Variants in ERCC8 observed in about 807,000 individuals in gnomAD.
ERCC8 encodes the protein DNA excision repair protein ERCC-8.
Under a neutral mutation model 54.9 loss-of-function variants are expected in ERCC8, and 52 were observed. The observed-to-expected ratio is 0.95, with a 90% CI of 0.76 to 1.19. The LOEUF (loss-of-function observed/expected upper bound fraction) is 1.19. Ranked by LOEUF, ERCC8 falls within the 50% of genes most tolerant of loss-of-function variation. ERCC8 has a pLI of 0.00. For synonymous variants in ERCC8, 146 were observed against 157.2 expected (o/e 0.93, Z 0.53); for missense variants, 514 against 466.1 (o/e 1.10, Z -0.95).
chr5:60,927,459 G>A (rs1387876125), intron 2 of ERCC8, among the ~76,000 whole-genome samples: 4 of 152,210 alleles, frequency 2.6e-5, no homozygotes, highest in Non-Finnish European at 5.9e-5. Flanking sequence ...AATCACTGTA[G>A]CAAGAGTCTT....
At chr5:60,885,109 C>A (rs1309528330) in intron 11 of ERCC8, among the ~76,000 whole-genome samples, 1 of 151,782 alleles carries the variant, frequency 6.6e-6, no homozygotes, top group Non-Finnish European at 1.5e-5. Context: ...AACTCTTGGG[C>A]TCAGTGATCC....
At position 60,878,385 on chromosome 5, in the gene ERCC8, T is replaced by A. The variant is rs140286564; in HGVS notation, c.1123-3702A>T. The stretch of plus-strand genomic sequence containing the variant: ...TGGTATCAGGATGATGCTGACCTCA[T>A]CAAATGAGTTAGGGAGGATTCCCTC... On this transcript the variant is annotated intron_variant, in intron 11 of 11. Coordinates refer to ENST00000676185, the MANE Select transcript of ERCC8 (RefSeq NM_000082.4). Among the ~76,000 whole-genome samples, 20 of 152,322 alleles carry A rather than the reference T, an allele frequency of 1.3e-4. No individual in the cohort carries two copies. The East Asian group carries it at 3.9e-3, about 29-fold the overall frequency.
At chr5:60,886,602 T>G (rs972046722) in intron 11 of ERCC8, among the ~76,000 whole-genome samples, 45 of 151,840 alleles carry the variant, frequency 3.0e-4, no homozygotes, top group African/African-American at 1.0e-3. Flanking sequence ...CTTGGGAGGC[T>G]GAGGCAGGAT....
chr5:60,891,138 C>T (rs768903965), intron 9 of ERCC8, 52 bp from the exon 10 acceptor site: 3 of 1,221,666 alleles, frequency 2.5e-6, no homozygotes, highest in Non-Finnish European at 3.6e-6. Flanking sequence ...GAATTTAAAA[C>T]ACAACAAAGC....
chr5:60,916,382 G>C (rs544515914), intron 4 of ERCC8, among the ~76,000 whole-genome samples: 1 of 152,026 alleles, frequency 6.6e-6, no homozygotes, highest in East Asian at 1.9e-4. Flanking sequence ...AGAGTGTGTG[G>C]AAAGTTGAAT....
intron 9 of ERCC8, among the ~76,000 whole-genome samples, chr5:60,894,386 T>C (rs1748663289): frequency 6.6e-6 from 1 of 152,204 alleles, no homozygotes; most frequent in African/African-American, 2.4e-5. Flanking sequence ...AATAGGTATA[T>C]ATTCCTAATA....
In ERCC8 at chr5:60,869,153, AG is replaced by A. The variant is rs1436245712; in HGVS notation, c.*5461del. Reference sequence around the variant, plus strand: ...TTATAGAATTCACAGAAACGTCTTTAGCTTCTCTAGTCTTCAGTAGTTATAT... The same window carrying A: ...TTATAGAATTCACAGAAACGTCTTTACTTCTCTAGTCTTCAGTAGTTATAT... On this transcript the variant is annotated 3_prime_UTR_variant, in exon 12 of 12. Transcript: ENST00000676185. 6.6e-6 allele frequency among the ~76,000 whole-genome samples: 1 copy of A among 152,230 alleles called. No individual in the cohort carries two copies. Among genetic ancestry groups the A allele is most frequent in the Non-Finnish European group, 1.5e-5 (1 of 68,034 alleles).
chr5:60,893,671 T>G (rs915938025), intron 9 of ERCC8: 1 of 512,868 alleles, frequency 1.9e-6, no homozygotes, highest in East Asian at 3.5e-5. Context: ...CAGACGCTCT[T>G]GTGCTGCTAG....
intron 9 of ERCC8, among the ~76,000 whole-genome samples, chr5:60,891,521 T>C (rs1349321394): frequency 6.6e-6 from 1 of 152,006 alleles, no homozygotes; most frequent in Non-Finnish European, 1.5e-5. Flanking sequence ...GTGTATATTA[T>C]ATACTCCCAA....
At chr5:60,876,141 G>T (rs767970249) in intron 11 of ERCC8, among the ~76,000 whole-genome samples, 63 of 151,400 alleles carry the variant, frequency 4.2e-4, no homozygotes, top group Non-Finnish European at 6.8e-4. Context: ...TTGGGTTTTT[G>T]TCCTTGCAAT....
In ERCC8 at chr5:60,893,006, G is replaced by C. The variant is rs1748611829; in HGVS notation, c.844-1920C>G. 5.1e-6 allele frequency: 4 copies of C among 777,688 alleles called. No individual in the cohort carries two copies. The South Asian group carries it at 5.4e-5, about 10-fold the overall frequency. 48.2% of individuals were successfully genotyped at this position (777,688 alleles called of 1,614,324 possible). A position where few individuals can be genotyped will look rare whatever the true frequency, so the allele number is the denominator to read the frequency against. On this transcript the variant is annotated intron_variant, in intron 9 of 11. Transcript: ENST00000676185. ...TGACCTGATGCTGGGTCCTGGCCTT[G>C]AAAGCCACAGTTGGCAACTCATTCC...
rs1747878837 is a variant in ERCC8 at position 60,872,257 on chromosome 5, T to C, written c.*2358A>G. Reference sequence around the variant, plus strand: ...ACATTGGTCTGGGCAATGATTTTTTTGGATACGATCTCAAAAGCACAGTAA... The same window carrying C: ...ACATTGGTCTGGGCAATGATTTTTTCGGATACGATCTCAAAAGCACAGTAA... On this transcript the variant is annotated 3_prime_UTR_variant, in exon 12 of 12. Coordinates refer to ENST00000676185, the MANE Select transcript of ERCC8 (RefSeq NM_000082.4). Among the ~76,000 whole-genome samples, 1 of 152,196 alleles carries C rather than the reference T, an allele frequency of 6.6e-6. No homozygotes were observed. The highest frequency in any genetic ancestry group is 2.4e-5 in the African/African-American group (1 of 41,460).
intron 1 of ERCC8, among the ~76,000 whole-genome samples, chr5:60,941,252 A>G (rs552598119): frequency 1.3e-5 from 2 of 152,354 alleles, no homozygotes; most frequent in South Asian, 4.1e-4. Context: ...AATAAAAGCC[A>G]AATGGAAATT....
chr5:60,941,068 A>G (rs1750243433), intron 1 of ERCC8, among the ~76,000 whole-genome samples: 1 of 151,942 alleles, frequency 6.6e-6, no homozygotes, highest in South Asian at 2.1e-4. Flanking sequence ...AATCCCAGTG[A>G]CTCTTGTGAA....
At chr5:60,907,889 C>T (rs1465221702) in intron 4 of ERCC8, among the ~76,000 whole-genome samples, 16 of 152,210 alleles carry the variant, frequency 1.1e-4, no homozygotes, top group Admixed American at 1.0e-3. Context: ...TATCGCACTA[C>T]TGTAAATCAC....
chr5:60,891,816 G>C (rs1748570617), intron 9 of ERCC8: 1 of 333,740 alleles, frequency 3.0e-6, no homozygotes, highest in Non-Finnish European at 5.9e-6. Flanking sequence ...CACATAGTTG[G>C]GGAAGGGTTC....
Position 60,902,490 on chromosome 5 carries a change from A to G in ERCC8, c.569T>C (p.Leu190Ser). 1 of 1,612,222 alleles carries G rather than the reference A, an allele frequency of 6.2e-7. No homozygotes were observed. The highest frequency in any genetic ancestry group is 8.5e-7 in the Non-Finnish European group (1 of 1,178,506). ...HILQGHRQEI[L>S]AVSWSPRYDY... is the part of the protein sequence containing the mutation. ...ATAACGTGGAGACCAGGAAACTGCT[A>G]ATATTTCTTGTCTGTGACCTGCAAA... Residue 190 changes from leucine to serine, a missense_variant, in exon 7 of 12, where the codon TTA becomes TCA. By Grantham distance (145) the Leu-to-Ser change is moderately radical (BLOSUM62 -2). Transcript: ENST00000676185.
At chr5:60,913,692 C>T (rs1749342143) in intron 4 of ERCC8, among the ~76,000 whole-genome samples, 1 of 151,990 alleles carries the variant, frequency 6.6e-6, no homozygotes, top group Non-Finnish European at 1.5e-5. Context: ...GTTAGGGTGT[C>T]GATTTTAGAT....
chr5:60,933,391 G>A (rs1343820745), intron 1 of ERCC8, among the ~76,000 whole-genome samples: 1 of 151,362 alleles, frequency 6.6e-6, no homozygotes, highest in Non-Finnish European at 1.5e-5. Context: ...GCTAATTTTT[G>A]TATTTTTAGT....
Sources: allele counts gnomAD v4.1 joint callset (sites outside exome capture counted in the v4.1 genomes callset), GRCh38; gene constraint gnomAD v4.1.1; transcripts MANE v1.5; gene names NCBI Gene and HGNC (gene_info 2026-07-23, HGNC 2026-07-21).